STOX2: variants seen among roughly 807,000 people sequenced by gnomAD.
STOX2 encodes storkhead box 2.
STOX2 carries 28 observed loss-of-function variants against 60.9 expected under a neutral mutation model. That is an observed-to-expected ratio of 0.46 (90% CI 0.34 to 0.63). The LOEUF is 0.63. STOX2 is among the 30% of genes least tolerant of loss of function. The pLI, the probability that STOX2 is intolerant of heterozygous loss-of-function variation, is 0.01. For missense variants in STOX2, 1,024 were observed against 1,187.7 expected (o/e 0.86, Z 2.03); for synonymous variants, 472 against 463.9 (o/e 1.02, Z -0.22).
In STOX2 at chr4:183,940,728, C is replaced by A. The variant is rs530861467; in HGVS notation, c.166+33772C>A. On this transcript the variant is annotated intron_variant, in intron 1 of 3. Transcript: ENST00000308497. ...CCCCCTAATCAGCAGGATTTGAAAG[C>A]CTGACTTCCTTTTTCTTTAAAAACT... Among the ~76,000 whole-genome samples, 10 of 152,320 alleles carry A rather than the reference C, an allele frequency of 6.6e-5. No homozygotes were observed. In the South Asian group the frequency reaches 1.7e-3, roughly 25 times the overall value.
intron 1 of STOX2, among the ~76,000 whole-genome samples, chr4:183,896,419 T>C (rs1241266435): frequency 6.6e-6 from 1 of 152,226 alleles, no homozygotes; most frequent in Non-Finnish European, 1.5e-5. Context: ...CATAGCTCAC[T>C]GCAGCCTCCA....
At chr4:183,928,387 C>T (rs528331087) in intron 1 of STOX2, among the ~76,000 whole-genome samples, 2 of 152,190 alleles carry the variant, frequency 1.3e-5, no homozygotes, top group East Asian at 3.9e-4. Context: ...AACACAAAAG[C>T]CTACTTCAAT....
At position 184,009,929 on chromosome 4, in the gene STOX2, G is replaced by A. The variant is rs1246197618; in HGVS notation, c.1091G>A (p.Arg364Gln). 1.9e-6 allele frequency: 3 copies of A among 1,613,162 alleles called. No individual in the cohort carries two copies. The highest frequency in any genetic ancestry group is 2.2e-5 in the South Asian group (2 of 90,810). Reference protein sequence around the residue: ...SGRSKKSRTHRKSHGKSRSHS... With the variant: ...SGRSKKSRTHQKSHGKSRSHS... ...AGGAGTAAAAAGAGTAGGACTCATCGGAAGTCCCATGGAAAGTCTCGGTCT... is the reference window on the plus strand; with the variant it reads ...AGGAGTAAAAAGAGTAGGACTCATCAGAAGTCCCATGGAAAGTCTCGGTCT... Residue 364 changes from arginine (R) to glutamine (Q), a missense_variant, in exon 3 of 4, where the codon CGG becomes CAG. Physicochemically the swap from Arg to Gln is conservative, Grantham distance 43. This residue lies in a region of STOX2 where 922 missense variants were observed against 1,058.3 expected (regional missense o/e 0.87). Transcript: ENST00000308497. This position sits in a 1 kb window ranked among gnomAD's most constrained non-coding sequence, Gnocchi z 4.0.
chr4:183,921,325 AT>A (rs1389387605), intron 1 of STOX2, among the ~76,000 whole-genome samples: 1 of 152,252 alleles, frequency 6.6e-6, no homozygotes, highest in Non-Finnish European at 1.5e-5. Context: ...TTTGTTGAAT[AT>A]GATTAAAAAC....
chr4:183,912,642 A>T (rs549302444), intron 1 of STOX2, among the ~76,000 whole-genome samples: 101 of 152,258 alleles, frequency 6.6e-4, no homozygotes, highest in African/African-American at 2.2e-3. Flanking sequence ...TGTTACAGCA[A>T]CACGGTCACA....
intron 1 of STOX2, among the ~76,000 whole-genome samples, chr4:183,859,403 G>A (rs1420215120): frequency 6.6e-6 from 1 of 152,228 alleles, no homozygotes; most frequent in African/African-American, 2.4e-5. Context: ...CATTGGAGCT[G>A]GTCTTGCCCT....
chr4:183,951,524 C>T (rs1743092574), intron 1 of STOX2, among the ~76,000 whole-genome samples: 1 of 143,754 alleles, frequency 7.0e-6, no homozygotes, highest in African/African-American at 2.6e-5. Context: ...GATCTCAGCT[C>T]ACTGAAACCT....
At chr4:183,809,911 T>G (rs750228882) in intron 1 of STOX2, among the ~76,000 whole-genome samples, 1 of 152,264 alleles carries the variant, frequency 6.6e-6, no homozygotes, top group Non-Finnish European at 1.5e-5. Flanking sequence ...TTTTTAAAAG[T>G]TGAATTATGA....
At chr4:183,819,802 C>T (rs888516578) in intron 1 of STOX2, among the ~76,000 whole-genome samples, 24 of 152,188 alleles carry the variant, frequency 1.6e-4, no homozygotes, top group Non-Finnish European at 3.4e-4. Flanking sequence ...GAATAAGGTT[C>T]TTTCTCCCTT....
chr4:184,009,527 C>T lies in STOX2; in HGVS notation c.689C>T (p.Ser230Phe). 1 of 1,614,064 alleles carries T rather than the reference C, an allele frequency of 6.2e-7. No homozygotes were observed. The highest frequency in any genetic ancestry group is 8.5e-7 in the Non-Finnish European group (1 of 1,179,892). Residue 230 changes from serine to phenylalanine, a missense_variant, in exon 3 of 4, where the codon TCT becomes TTT. By Grantham distance (155) the Ser-to-Phe change is radical. This residue lies in a region of STOX2 where 922 missense variants were observed against 1,058.3 expected (regional missense o/e 0.87). Transcript: ENST00000308497. This position sits in a 1 kb window ranked among gnomAD's most constrained non-coding sequence, Gnocchi z 4.0. ...KDCKDPYCPP[S>F]LCQVPPTEKS... is the part of the protein sequence containing the mutation. Reference sequence around the variant, plus strand: ...TGCAAAGACCCTTACTGTCCCCCTTCTCTGTGCCAGGTGCCACCCACTGAA... The same window carrying T: ...TGCAAAGACCCTTACTGTCCCCCTTTTCTGTGCCAGGTGCCACCCACTGAA...
chr4:183,984,986 T>C (rs1336281615), intron 1 of STOX2, among the ~76,000 whole-genome samples: 3 of 152,198 alleles, frequency 2.0e-5, no homozygotes, highest in African/African-American at 7.2e-5. Flanking sequence ...TGGTGTCCAT[T>C]ATGAAACCCA....
chr4:183,833,842 C>T (rs1476713637), intron 1 of STOX2, among the ~76,000 whole-genome samples: 14 of 151,100 alleles, frequency 9.3e-5, no homozygotes, highest in African/African-American at 2.7e-4. Flanking sequence ...ATTAGCCGGG[C>T]GTGGTGGCAG....
intron 1 of STOX2, among the ~76,000 whole-genome samples, chr4:183,860,369 G>C (rs959652282): frequency 2.7e-5 from 4 of 149,382 alleles, no homozygotes; most frequent in Non-Finnish European, 5.9e-5. Context: ...CTGGCTTTCA[G>C]TGCTGTGACC....
chr4:183,879,717 A>C (rs758831988), intron 1 of STOX2, among the ~76,000 whole-genome samples: 37 of 152,056 alleles, frequency 2.4e-4, no homozygotes, highest in Middle Eastern at 3.4e-3. Context: ...TTTGCTGCTG[A>C]TGAGTGGAAG....
At chr4:183,966,434 C>T (rs900559043) in intron 1 of STOX2, among the ~76,000 whole-genome samples, 1 of 152,236 alleles carries the variant, frequency 6.6e-6, no homozygotes, top group Non-Finnish European at 1.5e-5. Flanking sequence ...CTGGAAAGAA[C>T]CACAGTGCCC....
chr4:183,855,567 G>A (rs1329504185), intron 1 of STOX2, among the ~76,000 whole-genome samples: 4 of 152,128 alleles, frequency 2.6e-5, no homozygotes, highest in African/African-American at 7.2e-5. Flanking sequence ...ACGAATGGTC[G>A]TCTATTTGGC....
chr4:183,978,302 T>C (rs1315726339), intron 1 of STOX2, among the ~76,000 whole-genome samples: 2 of 152,172 alleles, frequency 1.3e-5, no homozygotes, highest in African/African-American at 4.8e-5. Context: ...AGTCCAATTC[T>C]ATTCTTCTAC....
At chr4:183,879,542 G>A (rs1403481257) in intron 1 of STOX2, among the ~76,000 whole-genome samples, 1 of 152,154 alleles carries the variant, frequency 6.6e-6, no homozygotes, top group Non-Finnish European at 1.5e-5. Flanking sequence ...TTGTGTAGCC[G>A]TAAGTTAAGT....
In STOX2 at chr4:184,012,345, G is replaced by A. The variant is rs386473863; in HGVS notation, c.2585+922G>A. Among the ~76,000 whole-genome samples, 505 of 152,302 alleles carry A rather than the reference G, an allele frequency of 3.3e-3. 1 individual carries two copies. Among genetic ancestry groups the A allele is most frequent in the Middle Eastern group, 0.01 (3 of 294 alleles). ...CTCTGAGATGCAGAAATACTACTGA[G>A]AGATTGACATTTCTCATCAGCTATG... On this transcript the variant is annotated intron_variant, in intron 3 of 3. Transcript: ENST00000308497.
Sources: allele counts gnomAD v4.1 joint callset (sites outside exome capture counted in the v4.1 genomes callset), GRCh38; gene constraint gnomAD v4.1.1; regional missense constraint gnomAD v4.1.1; non-coding constraint Gnocchi (gnomAD v3.1); transcripts MANE v1.5; gene names NCBI Gene and HGNC (gene_info 2026-07-23, HGNC 2026-07-21).